ZSWIM5: variants seen among roughly 807,000 people sequenced by gnomAD.
ZSWIM5 encodes the protein zinc finger SWIM domain-containing protein 5.
In ZSWIM5, 55 loss-of-function variants were observed where a neutral mutation model predicts 119.6. The observed-to-expected ratio is 0.46, with a 90% CI of 0.37 to 0.58. ZSWIM5 has a LOEUF of 0.58. Ranked by LOEUF, ZSWIM5 falls within the 20% of genes least tolerant of loss-of-function variation. The pLI is 0.00. For missense variants in ZSWIM5, 1,193 were observed against 1,512.8 expected, an observed-to-expected ratio of 0.79 and a Z score of 3.51; for synonymous variants, 537 against 606.9, an observed-to-expected ratio of 0.88 and a Z score of 1.69.
intron 11 of ZSWIM5, among the ~76,000 whole-genome samples, chr1:45,032,146 G>A (rs1644956908): frequency 6.6e-6 from 1 of 151,852 alleles, no homozygotes; most frequent in Non-Finnish European, 1.5e-5. Flanking sequence ...TTTTTTTTAA[G>A]AGTCAGGGTC....
intron 1 of ZSWIM5, among the ~76,000 whole-genome samples, chr1:45,094,920 C>T (rs964214478): frequency 2.6e-5 from 4 of 151,730 alleles, no homozygotes; most frequent in African/African-American, 7.3e-5. Flanking sequence ...GTATGCATCA[C>T]TTAACTTCAA....
At chr1:45,033,830 T>C (rs10890319) in intron 11 of ZSWIM5, among the ~76,000 whole-genome samples, 90,216 of 151,888 alleles carry the variant, frequency 0.59, 28,024 homozygotes, top group Middle Eastern at 0.75. Flanking sequence ...ATCCTACAAT[T>C]AGTAACTAGG....
chr1:45,082,952 A>T (rs1645302928), intron 2 of ZSWIM5, among the ~76,000 whole-genome samples: 1 of 152,176 alleles, frequency 6.6e-6, no homozygotes, highest in Non-Finnish European at 1.5e-5. Context: ...TTCTGGGGGA[A>T]AAGATAGTGG....
intron 1 of ZSWIM5, among the ~76,000 whole-genome samples, chr1:45,154,753 G>T (rs1196274749): frequency 6.6e-6 from 1 of 152,042 alleles, no homozygotes; most frequent in African/African-American, 2.4e-5. Context: ...ATGATGGCAG[G>T]CACCTGTAAT....
intron 12 of ZSWIM5, 75 bp from the exon 13 acceptor site, chr1:45,020,222 T>C (rs1309871346): frequency 8.2e-7 from 1 of 1,220,786 alleles, no homozygotes; most frequent in Non-Finnish European, 1.2e-6. Context: ...CATTCATTTA[T>C]GCGACAAATA....
chr1:45,038,453 A>G lies in ZSWIM5; in HGVS notation c.1894+483T>C, dbSNP rs546618894. Among the ~76,000 whole-genome samples the G allele has an allele frequency of 2.0e-5, 3 of 152,076 alleles. No homozygotes were observed. The East Asian group carries it at 5.8e-4, about 29-fold the overall frequency. On this transcript the variant is annotated intron_variant, in intron 8 of 13. Transcript: ENST00000359600. ...GCAAGGTAAAATGCAAAATCAGGAC[A>G]AGGCCAGACCAAAGGGTAGGAAAGG...
chr1:45,101,861 C>T (rs1033107341), intron 1 of ZSWIM5, among the ~76,000 whole-genome samples: 8 of 151,974 alleles, frequency 5.3e-5, no homozygotes, highest in African/African-American at 7.2e-5. Context: ...GTACACAGGG[C>T]GGGGAACATC....
intron 2 of ZSWIM5, among the ~76,000 whole-genome samples, chr1:45,073,772 G>A (rs1213665724): frequency 6.6e-6 from 1 of 151,640 alleles, no homozygotes; most frequent in Non-Finnish European, 1.5e-5. Context: ...GCATTATGTT[G>A]AATAACAGTG....
At position 45,174,720 on chromosome 1, in the gene ZSWIM5, A is replaced by T. The variant is rs538551776; in HGVS notation, c.595+31036T>A. On this transcript the variant is annotated intron_variant, in intron 1 of 13. Transcript: ENST00000359600. The stretch of plus-strand genomic sequence containing the variant: ...GCGCCACTGCACTACAGCCTGGGCC[A>T]CAGAGCAAGATTCTGTCTCAAAAAA... Among the ~76,000 whole-genome samples the T allele has an allele frequency of 3.8e-4, 58 of 152,264 alleles. 1 individual carries two copies. Among genetic ancestry groups the T allele is most frequent in the South Asian group, 1.2e-3 (6 of 4,828 alleles).
chr1:45,180,726 T>C (rs1206352579), intron 1 of ZSWIM5, among the ~76,000 whole-genome samples: 1 of 152,006 alleles, frequency 6.6e-6, no homozygotes, highest in African/African-American at 2.4e-5. Flanking sequence ...GGTACTCCCC[T>C]GAGACAAAGC....
chr1:45,066,235 TTTTCTAAGACATTTTCATTTTCA>T (rs1233828720), intron 2 of ZSWIM5, among the ~76,000 whole-genome samples: 4 of 152,114 alleles, frequency 2.6e-5, no homozygotes, highest in Non-Finnish European at 4.4e-5. Flanking sequence ...CCATGGAGAA[TTTTCTAAGACATTTTCATTTTCA>T]TTTCTAAGAC....
chr1:45,193,538 G>C (rs1646104218), intron 1 of ZSWIM5, among the ~76,000 whole-genome samples: 1 of 152,120 alleles, frequency 6.6e-6, no homozygotes, highest in Admixed American at 6.5e-5. Flanking sequence ...ATTCTATACA[G>C]AGGTCATGAA....
chr1:45,171,826 C>T (rs138945867), intron 1 of ZSWIM5, among the ~76,000 whole-genome samples: 2,275 of 152,108 alleles, frequency 0.015, 29 homozygotes, highest in Middle Eastern at 0.034. Context: ...CAACTTAACA[C>T]AAGTTATTTA....
At chr1:45,039,840 G>A (rs1194161813) in intron 7 of ZSWIM5, among the ~76,000 whole-genome samples, 1 of 152,080 alleles carries the variant, frequency 6.6e-6, no homozygotes, top group Non-Finnish European at 1.5e-5. Context: ...AAGTAGCTGG[G>A]ATTACAGGCA....
intron 1 of ZSWIM5, among the ~76,000 whole-genome samples, chr1:45,144,349 G>A (rs550830748): frequency 6.6e-6 from 1 of 151,196 alleles, no homozygotes; most frequent in Non-Finnish European, 1.5e-5. Flanking sequence ...TCAGTATCAC[G>A]AGATCTTGTC....
At chr1:45,120,806 C>T (rs976124741) in intron 1 of ZSWIM5, among the ~76,000 whole-genome samples, 3 of 152,116 alleles carry the variant, frequency 2.0e-5, no homozygotes, top group African/African-American at 4.8e-5. Context: ...CCACTACTCT[C>T]GAACTTCCAA....
At chr1:45,145,018 TACTCTG>T (rs1233429584) in intron 1 of ZSWIM5, among the ~76,000 whole-genome samples, 2 of 152,174 alleles carry the variant, frequency 1.3e-5, no homozygotes, top group Non-Finnish European at 2.9e-5. Context: ...ATGTGGGTAC[TACTCTG>T]AAGAGAATAT....
chr1:45,198,490 TTTA>T (rs1646138815), intron 1 of ZSWIM5, among the ~76,000 whole-genome samples: 1 of 152,220 alleles, frequency 6.6e-6, no homozygotes, highest in African/African-American at 2.4e-5. Context: ...TAACATTTGA[TTTA>T]TTATGTGAGT....
chr1:45,079,924 G>T (rs1350908725), intron 2 of ZSWIM5, among the ~76,000 whole-genome samples: 1 of 152,130 alleles, frequency 6.6e-6, no homozygotes, highest in African/African-American at 2.4e-5. Context: ...AGTACAGGGA[G>T]CTAGGGCCTG....
Sources: allele counts gnomAD v4.1 joint callset (sites outside exome capture counted in the v4.1 genomes callset), GRCh38; gene constraint gnomAD v4.1.1; transcripts MANE v1.5; gene names NCBI Gene and HGNC (gene_info 2026-07-23, HGNC 2026-07-21).